The following TMIGD3 variants were observed in gnomAD, a reference collection of about 807,000 sequenced individuals.
TMIGD3 encodes the protein AD026 protein (AD026).
Under a neutral mutation model 28.1 loss-of-function variants are expected in TMIGD3, and 21 were observed. That is an observed-to-expected ratio of 0.75 (90% CI 0.53 to 1.08). TMIGD3 has a LOEUF of 1.08. TMIGD3 is among the 50% of genes least tolerant of loss of function. The pLI, the probability that TMIGD3 is intolerant of heterozygous loss-of-function variation, is 0.00. For missense variants in TMIGD3, 416 were observed against 435.6 expected (o/e 0.96, Z 0.40); for synonymous variants, 151 against 162.1 (o/e 0.93, Z 0.52).
chr1:111,506,913 T>TCA (rs10653520), upstream of TMIGD3, among the ~76,000 whole-genome samples: 2 of 121,908 alleles, frequency 1.6e-5, no homozygotes, highest in Non-Finnish European at 3.2e-5. Flanking sequence ...TATATATATA[T>TCA]TATATATATA....
chr1:111,498,805 G>A (rs563635777), intron 1 of TMIGD3, among the ~76,000 whole-genome samples: 56 of 152,290 alleles, frequency 3.7e-4, no homozygotes, highest in Non-Finnish European at 6.0e-4. Flanking sequence ...TGCTCAACAG[G>A]CCAGGTGCAA....
chr1:111,548,259 G>T (rs1038790460), intron 1 of TMIGD3, among the ~76,000 whole-genome samples: 1 of 152,166 alleles, frequency 6.6e-6, no homozygotes, highest in Non-Finnish European at 1.5e-5. Context: ...GGCCTCAAGC[G>T]ACCCACCCAC....
intron 1 of TMIGD3, among the ~76,000 whole-genome samples, chr1:111,544,205 T>C (rs1384518036): frequency 6.6e-6 from 1 of 152,230 alleles, no homozygotes; most frequent in Non-Finnish European, 1.5e-5. Flanking sequence ...TCATCTTTGA[T>C]TTATCCCTTG....
Position 111,488,834 on chromosome 1 carries a change from G to A in TMIGD3, c.648C>T (p.Asn216=). ...GGCAGGACATAGTGACAATGAGCTG[G>A]TTCCCTGTGTCCCTCAGGGCCACAT... ...TNHVALRDTG[N]QLIVTMSCLT... is the part of the protein sequence containing the mutation. The change falls in exon 3 of 6, where the codon AAC becomes AAT. Residue 216 remains asparagine (N), a synonymous_variant. Transcript: ENST00000369716. 4.3e-6 allele frequency: 7 copies of A among 1,614,232 alleles called. No homozygotes were observed. Among genetic ancestry groups the A allele is most frequent in the Admixed American group, 1.7e-5 (1 of 60,034 alleles).
At chr1:111,548,826 C>T (rs1040727537) in intron 1 of TMIGD3, among the ~76,000 whole-genome samples, 9 of 152,334 alleles carry the variant, frequency 5.9e-5, no homozygotes, top group Admixed American at 5.9e-4. Flanking sequence ...TCAAGCTTCA[C>T]TACAAATGTG....
intron 5 of TMIGD3, among the ~76,000 whole-genome samples, chr1:111,484,529 C>T (rs1654267619): frequency 6.6e-6 from 1 of 152,184 alleles, no homozygotes; most frequent in Non-Finnish European, 1.5e-5. Context: ...TCCACATGCC[C>T]CACCTTCACA....
chr1:111,541,369 A>G (rs1201784609), intron 1 of TMIGD3, among the ~76,000 whole-genome samples: 1 of 152,238 alleles, frequency 6.6e-6, no homozygotes, highest in African/African-American at 2.4e-5. Flanking sequence ...CTCAAGGTCT[A>G]TATAAGGAAG....
chr1:111,496,886 C>T (rs182990180), intron 1 of TMIGD3, among the ~76,000 whole-genome samples: 68 of 152,208 alleles, frequency 4.5e-4, no homozygotes, highest in African/African-American at 1.6e-3. Flanking sequence ...ACTTTTTTCC[C>T]CAGTTGTCTT....
In TMIGD3 at chr1:111,500,386, A is replaced by G. The variant is rs752570157; in HGVS notation, c.350+2619T>C. ...GAAGCTGAAGTATACCATGTAGTCC[A>G]TTCTCATGACGGAAACAAATTGGCA... On this transcript the variant is annotated intron_variant, in intron 1 of 5. Coordinates refer to ENST00000369716, the MANE Select transcript of TMIGD3 (RefSeq NM_020683.7). 4 of 1,614,096 alleles carry G rather than the reference A, an allele frequency of 2.5e-6. No individual in the cohort carries two copies. The East Asian group carries it at 6.7e-5, about 27-fold the overall frequency.
intron 1 of TMIGD3, among the ~76,000 whole-genome samples, chr1:111,539,660 T>A (rs1165930020): frequency 1.3e-5 from 2 of 152,216 alleles, no homozygotes; most frequent in Non-Finnish European, 2.9e-5. Flanking sequence ...AGGAAGCTAC[T>A]CATAACCTTA....
chr1:111,510,469 C>T (rs1425934678), intron 1 of TMIGD3, among the ~76,000 whole-genome samples: 3 of 152,054 alleles, frequency 2.0e-5, no homozygotes, highest in South Asian at 2.1e-4. Flanking sequence ...GAAAAGAGGT[C>T]GTTTTTCTTA....
At chr1:111,515,382 C>T (rs1214281854) in intron 1 of TMIGD3, among the ~76,000 whole-genome samples, 1 of 152,214 alleles carries the variant, frequency 6.6e-6, no homozygotes, top group Non-Finnish European at 1.5e-5. Flanking sequence ...GTTCCCTACC[C>T]TGTGGCCTGC....
chr1:111,553,311 A>C (rs927963306), intron 1 of TMIGD3, among the ~76,000 whole-genome samples: 2 of 152,228 alleles, frequency 1.3e-5, no homozygotes, highest in Non-Finnish European at 2.9e-5. Flanking sequence ...CTCTGGCAAA[A>C]ACTCATGACA....
intron 1 of TMIGD3, among the ~76,000 whole-genome samples, chr1:111,551,217 C>G (rs145664187): frequency 6.6e-6 from 1 of 152,084 alleles, no homozygotes; most frequent in South Asian, 2.1e-4. Context: ...CTTTTGAGAG[C>G]TAATTCATTC....
At chr1:111,514,582 G>A (rs1015009088) in intron 1 of TMIGD3, among the ~76,000 whole-genome samples, 1 of 151,414 alleles carries the variant, frequency 6.6e-6, no homozygotes, top group African/African-American at 2.4e-5. Flanking sequence ...AGCAAAGTCT[G>A]AACCATACCC....
chr1:111,538,637 C>T (rs942518538), intron 1 of TMIGD3, among the ~76,000 whole-genome samples: 4 of 152,192 alleles, frequency 2.6e-5, no homozygotes, highest in Admixed American at 6.5e-5. Flanking sequence ...ACAAAACAAT[C>T]GCAACATCTA....
intron 1 of TMIGD3, among the ~76,000 whole-genome samples, chr1:111,499,027 G>T (rs80240524): frequency 6.7e-6 from 1 of 150,330 alleles, no homozygotes; most frequent in Non-Finnish European, 1.5e-5. Context: ...GGATGTTGAG[G>T]CTGCAATGAT....
chr1:111,529,878 G>T (rs1432516285), intron 1 of TMIGD3, among the ~76,000 whole-genome samples: 1 of 152,014 alleles, frequency 6.6e-6, no homozygotes, highest in Non-Finnish European at 1.5e-5. Flanking sequence ...TCAATGAGCT[G>T]TTGGGTACAC....
At chr1:111,523,821 G>C (rs1179651678) in intron 1 of TMIGD3, among the ~76,000 whole-genome samples, 1 of 151,666 alleles carries the variant, frequency 6.6e-6, no homozygotes, top group Admixed American at 6.6e-5. Context: ...TTTAATTCTT[G>C]ATATTATTAA....
Sources: gnomAD v4.1 joint callset for allele counts (sites outside exome capture counted in the v4.1 genomes callset) on GRCh38, gnomAD v4.1.1 for gene constraint, MANE v1.5 for transcripts, NCBI Gene and HGNC (gene_info 2026-07-23, HGNC 2026-07-21) for gene names.